MYO1E: variants seen among roughly 807,000 people sequenced by gnomAD.
MYO1E encodes the protein unconventional myosin-Ie.
A neutral mutation model predicts 151.1 loss-of-function variants in MYO1E; 68 were observed. The ratio of observed to expected loss-of-function variants is 0.45; its 90% CI spans 0.37 to 0.55. The LOEUF (loss-of-function observed/expected upper bound fraction) is 0.55, where lower values mean the gene tolerates loss of function less well. Among genes scored for constraint, MYO1E ranks in the 20% least tolerant of loss-of-function variants. The pLI, the probability that MYO1E is intolerant of heterozygous loss-of-function variation, is 0.00. For synonymous variants in MYO1E, 601 were observed against 501.7 expected (o/e 1.20, Z -2.64); for missense variants, 1,363 against 1,389.3 (o/e 0.98, Z 0.30).
At chr15:59,153,962 G>C (rs544395705) in intron 25 of MYO1E, among the ~76,000 whole-genome samples, 171 bp from the exon 26 acceptor site, 8 of 152,192 alleles carry the variant, frequency 5.3e-5, no homozygotes, top group Non-Finnish European at 1.2e-4. Flanking sequence ...GTGAGAATTA[G>C]AGCTGATTCC....
At chr15:59,139,790 C>T (rs542963173) in intron 26 of MYO1E, among the ~76,000 whole-genome samples, 30 of 151,660 alleles carry the variant, frequency 2.0e-4, no homozygotes, top group South Asian at 1.3e-3. Context: ...CACTTCCCTC[C>T]GACCTGCTCA....
rs186408066 is a variant in MYO1E, at chr15:59,158,753, G to A, written c.2786-374C>T. 2.6e-5 allele frequency among the ~76,000 whole-genome samples: 4 copies of A among 152,318 alleles called. No homozygotes were observed. In the East Asian group the frequency reaches 5.8e-4, roughly 22 times the overall value. ...GGCTGAGCAGGTTCACTAATGCTGCGGATCAACGGGGTTGGCATGAAGCCC... is the reference window on the plus strand; with the variant it reads ...GGCTGAGCAGGTTCACTAATGCTGCAGATCAACGGGGTTGGCATGAAGCCC... On this transcript the variant is annotated intron_variant, in intron 24 of 27. Transcript: ENST00000288235.
At chr15:59,266,459 T>C (rs2080253871) in intron 2 of MYO1E, among the ~76,000 whole-genome samples, 1 of 152,210 alleles carries the variant, frequency 6.6e-6, no homozygotes, top group African/African-American at 2.4e-5. Flanking sequence ...CCCGTGGATC[T>C]ATCAGTTTTC....
intron 14 of MYO1E, chr15:59,207,626 T>A: frequency 6.2e-7 from 1 of 1,614,216 alleles, no homozygotes; most frequent in Non-Finnish European, 8.5e-7. Context: ...AAGCTTGGTA[T>A]CCATTCTGAA....
intron 27 of MYO1E, 30 bp from the exon 28 acceptor site, chr15:59,137,486 A>G: frequency 6.3e-7 from 1 of 1,597,208 alleles, no homozygotes; most frequent in Non-Finnish European, 8.6e-7. Flanking sequence ...GTGGAAGTGA[A>G]GATGAGAAAG....
At chr15:59,330,410 T>A (rs1189197729) in intron 1 of MYO1E, among the ~76,000 whole-genome samples, 4 of 152,176 alleles carry the variant, frequency 2.6e-5, no homozygotes, top group Admixed American at 6.6e-5. Context: ...TGATGTTAAC[T>A]TAAATTGGCA....
intron 1 of MYO1E, among the ~76,000 whole-genome samples, chr15:59,280,285 C>A (rs2080345530): frequency 6.6e-6 from 1 of 152,170 alleles, no homozygotes; most frequent in South Asian, 2.1e-4. Context: ...ATTCCATCAA[C>A]TCTAAGATGC....
At chr15:59,267,083 T>C (rs2080260279) in intron 2 of MYO1E, among the ~76,000 whole-genome samples, 1 of 123,396 alleles carries the variant, frequency 8.1e-6, no homozygotes, top group Non-Finnish European at 1.6e-5. Flanking sequence ...CGGAGTGCAG[T>C]GGTGCAATCT....
At chr15:59,324,667 C>G (rs1156331156) in intron 1 of MYO1E, among the ~76,000 whole-genome samples, 1 of 150,276 alleles carries the variant, frequency 6.7e-6, no homozygotes, top group East Asian at 1.9e-4. Flanking sequence ...TCCCAAGCCC[C>G]CCCCCCACAG....
At chr15:59,307,370 C>T (rs1007578686) in intron 1 of MYO1E, among the ~76,000 whole-genome samples, 3 of 152,146 alleles carry the variant, frequency 2.0e-5, no homozygotes, top group Non-Finnish European at 4.4e-5. Flanking sequence ...AAGGAGAACA[C>T]GCAGGAGCTT....
chr15:59,255,205 C>CATTGATCAAGT (rs2080187122), intron 4 of MYO1E, among the ~76,000 whole-genome samples: 1 of 151,992 alleles, frequency 6.6e-6, no homozygotes, highest in South Asian at 2.1e-4. Flanking sequence ...GCCTTGACTT[C>CATTGATCAAGT]CCTGGCTCAA....
At chr15:59,297,605 G>C (rs1461192819) in intron 1 of MYO1E, among the ~76,000 whole-genome samples, 1 of 151,740 alleles carries the variant, frequency 6.6e-6, no homozygotes, top group East Asian at 1.9e-4. Flanking sequence ...TTTTGAGACA[G>C]GGTCGTGCTC....
chr15:59,278,619 C>A (rs2080335334), intron 1 of MYO1E, among the ~76,000 whole-genome samples: 2 of 152,158 alleles, frequency 1.3e-5, no homozygotes, highest in African/African-American at 4.8e-5. Context: ...AAATTTAAAC[C>A]CCTAATATTT....
intron 1 of MYO1E, among the ~76,000 whole-genome samples, chr15:59,347,464 G>A (rs147213991): frequency 1.7e-4 from 26 of 152,218 alleles, no homozygotes; most frequent in African/African-American, 5.3e-4. Context: ...ATTTTCTTAT[G>A]GAACTTTGAC....
intron 1 of MYO1E, among the ~76,000 whole-genome samples, chr15:59,304,000 T>C (rs1212061024): frequency 6.6e-6 from 1 of 150,692 alleles, no homozygotes; most frequent in Non-Finnish European, 1.5e-5. Flanking sequence ...TTTTTTTTTT[T>C]AGAGGGAGTT....
chr15:59,176,120 G>A (rs1237766846), intron 19 of MYO1E, among the ~76,000 whole-genome samples: 4 of 151,684 alleles, frequency 2.6e-5, no homozygotes, highest in Non-Finnish European at 5.9e-5. Context: ...GTGCAGTGGC[G>A]CGATCTCGGC....
At chr15:59,246,525 A>G (rs2080131034) in intron 4 of MYO1E, among the ~76,000 whole-genome samples, 1 of 152,200 alleles carries the variant, frequency 6.6e-6, no homozygotes, top group Admixed American at 6.5e-5. Context: ...ACTGAAAGTC[A>G]TACGTCGGCT....
chr15:59,350,758 T>C lies in MYO1E; in HGVS notation c.3+21740A>G, dbSNP rs1307621767. Among the ~76,000 whole-genome samples, 2 of 152,160 alleles carry C rather than the reference T, an allele frequency of 1.3e-5. No individual in the cohort carries two copies. The highest frequency in any genetic ancestry group is 1.5e-5 in the Non-Finnish European group (1 of 68,024). Reference sequence around the variant, plus strand: ...AAACAGATAACAATGCAAGATGACATAGTTTAGTCACAAATAAATAACTCT... The same window carrying C: ...AAACAGATAACAATGCAAGATGACACAGTTTAGTCACAAATAAATAACTCT... On this transcript the variant is annotated intron_variant, in intron 1 of 27. Transcript: ENST00000288235. This position sits in a 1 kb window ranked among gnomAD's most constrained non-coding sequence, Gnocchi z 5.0.
intron 1 of MYO1E, among the ~76,000 whole-genome samples, chr15:59,310,372 C>A (rs755108188): frequency 1.3e-5 from 2 of 152,178 alleles, no homozygotes; most frequent in Non-Finnish European, 2.9e-5. Flanking sequence ...ATAGTCTTTG[C>A]GGATAGAATC....
Sources: gnomAD v4.1 joint callset for allele counts (sites outside exome capture counted in the v4.1 genomes callset) on GRCh38, gnomAD v4.1.1 for gene constraint, Gnocchi (gnomAD v3.1) non-coding constraint, MANE v1.5 for transcripts, NCBI Gene and HGNC (gene_info 2026-07-23, HGNC 2026-07-21) for gene names.